Variants in NR3C1 observed in about 807,000 individuals in gnomAD.
NR3C1 encodes glucocorticoid receptor.
Under a neutral mutation model 74.0 loss-of-function variants are expected in NR3C1, and 14 were observed. The observed-to-expected ratio is 0.19, with a 90% CI of 0.12 to 0.30. The LOEUF (loss-of-function observed/expected upper bound fraction) is 0.30, where lower values mean the gene tolerates loss of function less well. Among genes scored for constraint, NR3C1 ranks in the 10% least tolerant of loss-of-function variants. NR3C1 has a pLI of 1.00. For synonymous variants in NR3C1, 308 were observed against 332.5 expected (o/e 0.93, Z 0.80); for missense variants, 695 against 909.8 (o/e 0.76, Z 3.04).
chr5:143,408,388 T>C (rs1841185773), upstream of NR3C1, among the ~76,000 whole-genome samples: 1 of 152,242 alleles, frequency 6.6e-6, no homozygotes, highest in East Asian at 1.9e-4. Flanking sequence ...TAGGAAGTAT[T>C]TGCTCATCAT....
intron 7 of NR3C1, chr5:143,294,428 T>A: frequency 1.6e-6 from 1 of 624,424 alleles, no homozygotes; most frequent in South Asian, 7.2e-5. Context: ...AGAGCAGTTT[T>A]AAGTTCACAG....
intron 6 of NR3C1, among the ~76,000 whole-genome samples, chr5:143,295,889 T>A (rs1817061964): frequency 6.6e-6 from 1 of 152,210 alleles, no homozygotes; most frequent in African/African-American, 2.4e-5. Flanking sequence ...CTTATAGAAC[T>A]TATTACTAGT....
At chr5:143,433,464 A>ATAATTTATTTATTTAAATTATT (rs1173177375) in intron 1 of NR3C1, among the ~76,000 whole-genome samples, 2 of 146,470 alleles carry the variant, frequency 1.4e-5, no homozygotes, top group Admixed American at 6.9e-5. Context: ...ATATATATAT[A>ATAATTTATTTATTTAAATTATT]TATATATTTA....
chr5:143,324,022 G>A (rs564156959), intron 2 of NR3C1, among the ~76,000 whole-genome samples: 5 of 152,076 alleles, frequency 3.3e-5, no homozygotes, highest in Admixed American at 6.6e-5. Flanking sequence ...CCTACCTCCC[G>A]GCTGCTTTCA....
At chr5:143,431,131 G>A (rs1751797420) in intron 1 of NR3C1, among the ~76,000 whole-genome samples, 1 of 152,198 alleles carries the variant, frequency 6.6e-6, no homozygotes, top group South Asian at 2.1e-4. Context: ...TACAGGTTCA[G>A]ACATGGTTTA....
intron 2 of NR3C1, among the ~76,000 whole-genome samples, chr5:143,387,427 A>G (rs2151905855): frequency 6.6e-6 from 1 of 152,276 alleles, no homozygotes; most frequent in South Asian, 2.1e-4. Flanking sequence ...TATTTATGTT[A>G]TTCTATTCTG....
At chr5:143,358,900 CAAA>C (rs200756825) in intron 2 of NR3C1, among the ~76,000 whole-genome samples, 1 of 131,564 alleles carries the variant, frequency 7.6e-6, no homozygotes. Flanking sequence ...AACTCCATTT[CAAA>C]AAAAAAAAAA....
intron 4 of NR3C1, among the ~76,000 whole-genome samples, chr5:143,302,733 G>A (rs534834934): frequency 6.6e-6 from 1 of 152,088 alleles, no homozygotes; most frequent in African/African-American, 2.4e-5. Context: ...GTACTGACTA[G>A]AGCAAGAAAT....
At chr5:143,424,067 T>TG (rs1561816582) in intron 1 of NR3C1, among the ~76,000 whole-genome samples, 3 of 47,980 alleles carry the variant, frequency 6.3e-5, no homozygotes, top group East Asian at 6.5e-4. Flanking sequence ...TGTTGTGGGG[T>TG]GTGGGGAGGG....
At position 143,419,567 on chromosome 5, in the gene NR3C1, G is replaced by C. The variant is rs576719095; in HGVS notation, c.-14+14965C>G. On this transcript the variant is annotated intron_variant, in intron 1 of 8. Coordinates refer to the NR3C1 transcript ENST00000343796. ...CTGGGGGAGACATCACATGTTGGTA[G>C]GTTCCGTGATGCCCCACAAGCCGCA... 8.5e-5 allele frequency among the ~76,000 whole-genome samples: 13 copies of C among 152,252 alleles called. No homozygotes were observed. The South Asian group carries it at 2.7e-3, about 32-fold the overall frequency.
At chr5:143,291,618 G>A (rs748700698) in intron 7 of NR3C1, among the ~76,000 whole-genome samples, 1 of 152,128 alleles carries the variant, frequency 6.6e-6, no homozygotes, top group Non-Finnish European at 1.5e-5. Flanking sequence ...TGTACTTAGA[G>A]CATTCAAATT....
At chr5:143,403,103 G>T in intron 1 of NR3C1, 108 bp downstream of exon 1, 1 of 931,596 alleles carries the variant, frequency 1.1e-6, no homozygotes. Context: ...ACTCCCCGAG[G>T]CTAATAAAAG....
At chr5:143,323,259 G>A (rs1029151902) in intron 2 of NR3C1, among the ~76,000 whole-genome samples, 2 of 152,148 alleles carry the variant, frequency 1.3e-5, no homozygotes, top group African/African-American at 4.8e-5. Context: ...AAGAAAAAGA[G>A]GTTTAATTGG....
intron 2 of NR3C1, among the ~76,000 whole-genome samples, chr5:143,335,789 G>T (rs947909498): frequency 6.6e-6 from 1 of 152,050 alleles, no homozygotes; most frequent in Non-Finnish European, 1.5e-5. Context: ...TCATTCTTTG[G>T]TTTTTCACTA....
intron 2 of NR3C1, among the ~76,000 whole-genome samples, chr5:143,372,884 A>T (rs1834462789): frequency 6.6e-6 from 1 of 152,186 alleles, no homozygotes; most frequent in African/African-American, 2.4e-5. Flanking sequence ...CCAGAATACC[A>T]AAAAAAGTTT....
At chr5:143,426,688 A>G (rs2151962180) in intron 1 of NR3C1, among the ~76,000 whole-genome samples, 1 of 152,362 alleles carries the variant, frequency 6.6e-6, no homozygotes, top group Non-Finnish European at 1.5e-5. Context: ...TTCGCTTTGA[A>G]AAAACAATTT....
At chr5:143,370,320 G>A (rs1207070896) in intron 2 of NR3C1, among the ~76,000 whole-genome samples, 1 of 152,166 alleles carries the variant, frequency 6.6e-6, no homozygotes, top group Non-Finnish European at 1.5e-5. Flanking sequence ...GGTACCCCTT[G>A]CATACACTCC....
intron 2 of NR3C1, among the ~76,000 whole-genome samples, chr5:143,390,506 T>C (rs1838033865): frequency 6.6e-6 from 1 of 152,154 alleles, no homozygotes; most frequent in Non-Finnish European, 1.5e-5. Flanking sequence ...AGACCTACCT[T>C]ACTTAAACAT....
intron 2 of NR3C1, among the ~76,000 whole-genome samples, chr5:143,352,588 A>C (rs527845655): frequency 5.3e-5 from 8 of 152,306 alleles, no homozygotes; most frequent in Non-Finnish European, 7.4e-5. Context: ...TCGGTTCTAG[A>C]CCACAATAAA....
Sources: gnomAD v4.1 joint callset for allele counts (sites outside exome capture counted in the v4.1 genomes callset) on GRCh38, gnomAD v4.1.1 for gene constraint, MANE v1.5 for transcripts, NCBI Gene and HGNC (gene_info 2026-07-23, HGNC 2026-07-21) for gene names.